Variants in ADAT1 observed in about 807,000 individuals in gnomAD.
The protein encoded by ADAT1 is adenosine deaminase tRNA specific 1, also known as tRNA-specific adenosine deaminase 1.
A neutral mutation model predicts 58.6 loss-of-function variants in ADAT1; 58 were observed. That is an observed-to-expected ratio of 0.99 (90% CI 0.80 to 1.23). The LOEUF is 1.23. Among genes scored for constraint, ADAT1 ranks in the 50% most tolerant of loss-of-function variants. ADAT1 has a pLI of 0.00. For synonymous variants in ADAT1, 254 were observed against 220.8 expected (o/e 1.15, Z -1.33); for missense variants, 741 against 608.6 (o/e 1.22, Z -2.29).
intron 8 of ADAT1, among the ~76,000 whole-genome samples, chr16:75,604,432 C>CGAAAA (rs2081307877): frequency 1.3e-4 from 1 of 7,942 alleles, no homozygotes; most frequent in African/African-American, 8.1e-4. Context: ...GATTCTGTCT[C>CGAAAA]AAAAAAAAAA....
Position 75,608,835 on chromosome 16 carries a change from T to A in ADAT1, c.1189+8A>T. The A allele has an allele frequency of 1.2e-6, 2 of 1,612,370 alleles. No individual in the cohort carries two copies. Among genetic ancestry groups the A allele is most frequent in the Non-Finnish European group, 8.5e-7 (1 of 1,179,562 alleles). On this transcript the variant is annotated splice_region_variant and intron_variant, in intron 7 of 9. Coordinates refer to ENST00000564657, the MANE Select transcript of ADAT1 (RefSeq NM_001324445.2). ...TACTCCAGGGCAGGTCTAACCTGGA[T>A]CTCTTACCTGCCCCACAAGGAACAA...
At chr16:75,604,629 C>T (rs1240118564) in intron 8 of ADAT1, among the ~76,000 whole-genome samples, 3 of 150,864 alleles carry the variant, frequency 2.0e-5, no homozygotes, top group Non-Finnish European at 4.4e-5. Context: ...GGGAAGAGTA[C>T]TTAAATTTAT....
chr16:75,604,206 G>A (rs1287831339), intron 8 of ADAT1, among the ~76,000 whole-genome samples: 2 of 151,628 alleles, frequency 1.3e-5, no homozygotes, highest in Non-Finnish European at 2.9e-5. Context: ...AGGTGAATGA[G>A]CAGATCACCT....
intron 8 of ADAT1, among the ~76,000 whole-genome samples, chr16:75,604,474 T>C (rs57783734): frequency 0.052 from 2,803 of 53,902 alleles, 134 homozygotes; most frequent in Non-Finnish European, 0.063. Context: ...TATATATATA[T>C]ACACACACAC....
chr16:75,620,825 A>G lies in ADAT1; in HGVS notation c.-21-5T>C. 1 of 1,594,380 alleles carries G rather than the reference A, an allele frequency of 6.3e-7. No homozygotes were observed. Among genetic ancestry groups the G allele is most frequent in the Non-Finnish European group, 8.6e-7 (1 of 1,165,714 alleles). Reference sequence around the variant, plus strand: ...GGTCTGAGCTGGTATTGAGACCTTGATCAAAAACCACAACCATCAGAAGTA... The same window carrying G: ...GGTCTGAGCTGGTATTGAGACCTTGGTCAAAAACCACAACCATCAGAAGTA... On this transcript the variant is annotated splice_region_variant and splice_polypyrimidine_tract_variant and intron_variant, in intron 1 of 9. Coordinates refer to ENST00000564657, the MANE Select transcript of ADAT1 (RefSeq NM_001324445.2).
At chr16:75,606,427 G>A (rs2081374512) in intron 8 of ADAT1, among the ~76,000 whole-genome samples, 1 of 152,178 alleles carries the variant, frequency 6.6e-6, no homozygotes, top group Non-Finnish European at 1.5e-5. Context: ...GGCTTCTGAG[G>A]CTAGGTCATA....
In ADAT1 at chr16:75,620,796, A is replaced by C; in HGVS notation, c.4T>G (p.Trp2Gly). 2 of 1,612,254 alleles carry C rather than the reference A, an allele frequency of 1.2e-6. No homozygotes were observed. Among genetic ancestry groups the C allele is most frequent in the Non-Finnish European group, 1.7e-6 (2 of 1,178,512 alleles). The change falls in exon 2 of 10, where the codon TGG (tryptophan) becomes GGG (glycine). Residue 2 changes from tryptophan to glycine, a missense_variant. By Grantham distance (184) the Trp-to-Gly change is radical. Transcript: ENST00000564657. M[W>G]TADEIAQLCY... ...AGCTGAGCAATCTCATCCGCGGTCC[A>C]CATGGTCTGAGCTGGTATTGAGACC...
chr16:75,612,552 C>G lies in ADAT1; in HGVS notation c.734G>C (p.Arg245Thr), dbSNP rs1225530453. 6.2e-7 allele frequency: 1 copy of G among 1,614,144 alleles called. No homozygotes were observed. The highest frequency in any genetic ancestry group is 8.5e-7 in the Non-Finnish European group (1 of 1,180,026). ...CACTTTGGCACTACCAGGGGCTATT[C>G]TGGTGACAGTAGCCAGTCCCTCTAC... ...LTVEGLATVT[R>T]IAPGSAKVID... Residue 245 changes from arginine (R) to threonine (T), a missense_variant, in exon 6 of 10, where the codon AGA becomes ACA. Arg to Thr is a moderately conservative substitution (Grantham distance 71). Coordinates refer to ENST00000564657, the MANE Select transcript of ADAT1 (RefSeq NM_001324445.2).
intron 5 of ADAT1, among the ~76,000 whole-genome samples, chr16:75,615,355 T>C (rs2081668033): frequency 6.6e-6 from 1 of 151,206 alleles, no homozygotes; most frequent in South Asian, 2.1e-4. Flanking sequence ...CTTAAGGAGT[T>C]TGATAAGGGC....
At position 75,608,894 on chromosome 16, in the gene ADAT1, C is replaced by T. The variant is rs751762218; in HGVS notation, c.1138G>A (p.Val380Met). ...DLLFEQSRSA[V>M]QAKRADSPGR... is the part of the protein sequence containing the mutation. ...GGGCTATCAGCCCTTTTTGCCTGCA[C>T]CGCACTGCGGCTCTGTTCAAATAGT... Residue 380 changes from valine to methionine, a missense_variant, in exon 7 of 10, where the codon GTG (valine) becomes ATG (methionine). Val to Met is a conservative substitution (Grantham distance 21). Coordinates refer to ENST00000564657, the MANE Select transcript of ADAT1 (RefSeq NM_001324445.2). 6.8e-6 allele frequency: 11 copies of T among 1,613,878 alleles called. No homozygotes were observed. Among genetic ancestry groups the T allele is most frequent in the Non-Finnish European group, 9.3e-6 (11 of 1,179,948 alleles).
Position 75,612,283 on chromosome 16 carries a change from G to C in ADAT1, c.1003C>G (p.Pro335Ala), listed in dbSNP as rs1730280519. ...YLSAVVIGKCPYSQEAMQRAL... is the reference protein window; with the variant it reads ...YLSAVVIGKCAYSQEAMQRAL... ...CTCTGCATGGCTTCCTGGCTGTATGGGCACTTCCCAATGACCACAGCTGAC... is the reference window on the plus strand; with the variant it reads ...CTCTGCATGGCTTCCTGGCTGTATGCGCACTTCCCAATGACCACAGCTGAC... The change falls in exon 6 of 10, where the codon CCA becomes GCA. Residue 335 changes from proline (P) to alanine (A), a missense_variant. Transcript: ENST00000564657. 1.2e-6 allele frequency: 2 copies of C among 1,613,968 alleles called. No homozygotes were observed. Among genetic ancestry groups the C allele is most frequent in the African/African-American group, 1.3e-5 (1 of 74,908 alleles).
chr16:75,619,651 C>T (rs1359105104), intron 3 of ADAT1: 1 of 455,584 alleles, frequency 2.2e-6, no homozygotes. Flanking sequence ...TGGCTCACAC[C>T]TTTAATCCCA....
chr16:75,597,620 G>A lies in ADAT1; in HGVS notation c.*2596C>T, dbSNP rs1010699570. ...TTATTATTACATCGTAATACATGAT[G>A]AAATAATTATACAACTCACCATAAG... On this transcript the variant is annotated 3_prime_UTR_variant, in exon 10 of 10. Coordinates refer to ENST00000564657, the MANE Select transcript of ADAT1 (RefSeq NM_001324445.2). 2.0e-5 allele frequency among the ~76,000 whole-genome samples: 3 copies of A among 152,158 alleles called. No homozygotes were observed. The highest frequency in any genetic ancestry group is 2.0e-4 in the Admixed American group (3 of 15,286).
chr16:75,603,079 C>T lies in ADAT1; in HGVS notation c.1376+6G>A. The T allele has an allele frequency of 6.2e-7, 1 of 1,612,898 alleles. No individual in the cohort carries two copies. Among genetic ancestry groups the T allele is most frequent in the African/African-American group, 1.3e-5 (1 of 75,008 alleles). The stretch of plus-strand genomic sequence containing the variant: ...AATATGAGAAAACATAGGTCAACAG[C>T]ATCACCTGAGGGAGTGTGGCCACTT... On this transcript the variant is annotated splice_donor_region_variant and intron_variant, in intron 9 of 9. Transcript: ENST00000564657.
At chr16:75,600,464 G>C (rs2081197036) in intron 9 of ADAT1, 116 bp from the exon 10 acceptor site, 1 of 1,468,888 alleles carries the variant, frequency 6.8e-7, no homozygotes, top group African/African-American at 1.4e-5. Context: ...GGTAGAGAAG[G>C]AGTTCAGTAT....
At chr16:75,612,126 T>G (rs1224745338) in intron 6 of ADAT1, 117 bp downstream of exon 6, 3 of 1,182,410 alleles carry the variant, frequency 2.5e-6, no homozygotes, top group Non-Finnish European at 3.5e-6. Flanking sequence ...TTAAGACAAA[T>G]TCCTGGAAGT....
In ADAT1 at chr16:75,623,000, G is replaced by C. The variant is rs1013892974; in HGVS notation, c.-619C>G. Reference sequence around the variant, plus strand: ...AGGCAAGGCACTGAAGCCATGCAGTGAGAACAGCGTGAGCGCCTGATCCAT... The same window carrying C: ...AGGCAAGGCACTGAAGCCATGCAGTCAGAACAGCGTGAGCGCCTGATCCAT... On this transcript the variant is annotated 5_prime_UTR_variant, in exon 1 of 10. It introduces an in-frame stop codon into an upstream open reading frame of the 5' UTR. Transcript: ENST00000564657. The C allele has an allele frequency of 2.6e-5, 4 of 152,274 alleles. No individual in the cohort carries two copies. The highest frequency in any genetic ancestry group is 9.6e-5 in the African/African-American group (4 of 41,462). The allele number at this position is 152,274 out of a possible 1,614,324, so 9.4% of individuals were successfully genotyped here. A position where few individuals can be genotyped will look rare whatever the true frequency, so the allele number is the denominator to read the frequency against.
rs374130383 is a variant in ADAT1, at chr16:75,621,545, G to A, written c.-21-725C>T. 7.0e-4 allele frequency among the ~76,000 whole-genome samples: 107 copies of A among 152,074 alleles called. 1 individual carries two copies. In the South Asian group the frequency reaches 0.018, roughly 25 times the overall value. On this transcript the variant is annotated intron_variant, in intron 1 of 9. Coordinates refer to ENST00000564657, the MANE Select transcript of ADAT1 (RefSeq NM_001324445.2). ...ATTGTGAAGATTAAATAATACTTAGGGTTACTGTGAGGGTTAAATAAGTAA... is the reference window on the plus strand; with the variant it reads ...ATTGTGAAGATTAAATAATACTTAGAGTTACTGTGAGGGTTAAATAAGTAA...
intron 8 of ADAT1, 133 bp downstream of exon 8, chr16:75,608,091 G>A: frequency 1.4e-6 from 1 of 698,446 alleles, no homozygotes. Context: ...AAGGGATGAG[G>A]AGAGGGAGGG....
Sources: gnomAD v4.1 joint callset for allele counts (sites outside exome capture counted in the v4.1 genomes callset) on GRCh38, gnomAD v4.1.1 for gene constraint, MANE v1.5 for transcripts, NCBI Gene and HGNC (gene_info 2026-07-23, HGNC 2026-07-21) for gene names.